The following GPC6 variants were observed in gnomAD, a reference collection of about 807,000 sequenced individuals.
GPC6 encodes glypican-6.
Under a neutral mutation model 55.2 loss-of-function variants are expected in GPC6, and 14 were observed. The observed-to-expected ratio is 0.25, with a 90% CI of 0.17 to 0.40. The LOEUF (loss-of-function observed/expected upper bound fraction) is 0.40, where lower values mean the gene tolerates loss of function less well. GPC6 is among the 10% of genes least tolerant of loss of function. GPC6 has a pLI of 1.00. For synonymous variants in GPC6, 278 were observed against 259.6 expected (o/e 1.07, Z -0.68); for missense variants, 641 against 708.5 (o/e 0.90, Z 1.08).
At chr13:94,172,080 G>C (rs573263019) in intron 4 of GPC6, among the ~76,000 whole-genome samples, 1 of 152,240 alleles carries the variant, frequency 6.6e-6, no homozygotes, top group African/African-American at 2.4e-5. Flanking sequence ...TGCACACACA[G>C]AGTCCTAGCA....
intron 1 of GPC6, among the ~76,000 whole-genome samples, chr13:93,494,883 C>T (rs1158154903): frequency 8.1e-5 from 12 of 148,524 alleles, no homozygotes; most frequent in Non-Finnish European, 1.5e-4. Flanking sequence ...GGGTTTCTGC[C>T]GAGAGATCCG....
At chr13:94,151,271 A>G (rs571054828) in intron 4 of GPC6, among the ~76,000 whole-genome samples, 1 of 152,312 alleles carries the variant, frequency 6.6e-6, no homozygotes, top group Admixed American at 6.5e-5. Context: ...AAATATGTAT[A>G]TCAAAAAGCT....
chr13:93,364,415 C>G (rs1881164290), intron 1 of GPC6, among the ~76,000 whole-genome samples: 1 of 151,984 alleles, frequency 6.6e-6, no homozygotes, highest in Non-Finnish European at 1.5e-5. Flanking sequence ...TTTTAAAACA[C>G]TACAGCAACG....
intron 2 of GPC6, among the ~76,000 whole-genome samples, chr13:93,584,684 GTTTTTTTTT>G (rs779571682): frequency 9.4e-5 from 9 of 95,572 alleles, no homozygotes; most frequent in Non-Finnish European, 1.7e-4. Flanking sequence ...CCTTCTGAAA[GTTTTTTTTT>G]TTTTTTTTTT....
chr13:93,712,581 C>T (rs760650229), intron 2 of GPC6, among the ~76,000 whole-genome samples: 3 of 151,568 alleles, frequency 2.0e-5, no homozygotes, highest in Non-Finnish European at 3.0e-5. Flanking sequence ...GAAGACTGTG[C>T]CCCTTATATG....
At chr13:93,520,588 T>C (rs1278226603) in intron 1 of GPC6, among the ~76,000 whole-genome samples, 4 of 151,996 alleles carry the variant, frequency 2.6e-5, no homozygotes, top group African/African-American at 9.7e-5. Context: ...TGGAAAATTT[T>C]GAAACAAGTC....
At chr13:93,918,995 G>A (rs1384633800) in intron 3 of GPC6, among the ~76,000 whole-genome samples, 1 of 152,200 alleles carries the variant, frequency 6.6e-6, no homozygotes, top group Non-Finnish European at 1.5e-5. Context: ...CCTGGTGGGT[G>A]GTGATTGGAT....
At chr13:93,485,222 A>C (rs1161796435) in intron 1 of GPC6, among the ~76,000 whole-genome samples, 3 of 152,214 alleles carry the variant, frequency 2.0e-5, no homozygotes, top group Non-Finnish European at 2.9e-5. Context: ...ACATTCTAGC[A>C]CAAAGGGGAG....
chr13:93,309,104 G>A (rs188844069), intron 1 of GPC6, among the ~76,000 whole-genome samples: 15 of 152,166 alleles, frequency 9.9e-5, no homozygotes, highest in East Asian at 3.9e-4. Context: ...TTTTCCTCCC[G>A]TCAAAGAGAC....
intron 3 of GPC6, among the ~76,000 whole-genome samples, chr13:93,873,629 C>T (rs1028502242): frequency 6.6e-6 from 1 of 151,878 alleles, no homozygotes; most frequent in Non-Finnish European, 1.5e-5. Flanking sequence ...CAATAGTGCA[C>T]ACTTGGGAGA....
At chr13:93,338,029 TG>T (rs1406036451) in intron 1 of GPC6, among the ~76,000 whole-genome samples, 1 of 152,218 alleles carries the variant, frequency 6.6e-6, no homozygotes, top group Non-Finnish European at 1.5e-5. Flanking sequence ...TACCCTTTTT[TG>T]TTTGTTCATT....
intron 1 of GPC6, among the ~76,000 whole-genome samples, chr13:93,502,884 C>G (rs1880573321): frequency 6.6e-6 from 1 of 151,920 alleles, no homozygotes; most frequent in Admixed American, 6.6e-5. Flanking sequence ...TATAATATTT[C>G]TACCAGATAC....
At chr13:93,991,888 A>T (rs969009564) in intron 3 of GPC6, among the ~76,000 whole-genome samples, 1 of 152,176 alleles carries the variant, frequency 6.6e-6, no homozygotes, top group Admixed American at 6.5e-5. Flanking sequence ...TTTTAATTTC[A>T]TAAGTCTGAA....
chr13:93,336,090 A>G (rs1176887051), intron 1 of GPC6, among the ~76,000 whole-genome samples: 1 of 152,222 alleles, frequency 6.6e-6, no homozygotes, highest in African/African-American at 2.4e-5. Flanking sequence ...ATCATCATAA[A>G]AAAGTGTTTA....
chr13:93,798,196 T>C (rs770981977), intron 2 of GPC6, among the ~76,000 whole-genome samples: 2 of 152,134 alleles, frequency 1.3e-5, no homozygotes, highest in African/African-American at 2.4e-5. Context: ...CCAGGTATTA[T>C]GGCGATGATG....
chr13:93,276,466 G>GAA (rs1326275284), intron 1 of GPC6, among the ~76,000 whole-genome samples: 1 of 109,376 alleles, frequency 9.1e-6, no homozygotes, highest in African/African-American at 5.1e-5. Context: ...TTCAGAGAGA[G>GAA]AGAGAGAGAG....
chr13:94,354,026 A>G (rs1878675400), intron 6 of GPC6, among the ~76,000 whole-genome samples: 1 of 152,258 alleles, frequency 6.6e-6, no homozygotes, highest in South Asian at 2.1e-4. Flanking sequence ...AACATGCACA[A>G]TGAATTTGCA....
chr13:93,861,068 G>A (rs1057316462), intron 3 of GPC6, among the ~76,000 whole-genome samples: 1 of 151,304 alleles, frequency 6.6e-6, no homozygotes, highest in African/African-American at 2.4e-5. Context: ...CTACCTTACA[G>A]GATCGTTTTG....
chr13:93,761,346 A>G (rs908919791), intron 2 of GPC6, among the ~76,000 whole-genome samples: 1 of 152,156 alleles, frequency 6.6e-6, no homozygotes, highest in African/African-American at 2.4e-5. Context: ...TAGTTTTTTA[A>G]TAGAGACAGA....
Sources: gnomAD v4.1 joint callset for allele counts (sites outside exome capture counted in the v4.1 genomes callset) on GRCh38, gnomAD v4.1.1 for gene constraint, MANE v1.5 for transcripts, NCBI Gene and HGNC (gene_info 2026-07-23, HGNC 2026-07-21) for gene names.